DTL: variants seen among roughly 807,000 people sequenced by gnomAD.
DTL encodes denticleless protein homolog.
DTL carries 46 observed loss-of-function variants against 87.0 expected under a neutral mutation model. That is an observed-to-expected ratio of 0.53 (90% CI 0.42 to 0.68). The LOEUF (loss-of-function observed/expected upper bound fraction) is 0.68, where lower values mean the gene tolerates loss of function less well. Among genes scored for constraint, DTL ranks in the 30% least tolerant of loss-of-function variants. The pLI is 0.00. For synonymous variants in DTL, 308 were observed against 311.2 expected (o/e 0.99, Z 0.11); for missense variants, 737 against 869.4 (o/e 0.85, Z 1.91).
chr1:212,066,932 A>G, intron 8 of DTL, 47 bp downstream of exon 8: 2 of 1,491,614 alleles, frequency 1.3e-6, no homozygotes, highest in Non-Finnish European at 1.9e-6. Context: ...TTTTTATGAG[A>G]TTGTGATGAG....
At chr1:212,088,188 G>T (rs1393007065) in intron 13 of DTL, among the ~76,000 whole-genome samples, 2 of 152,124 alleles carry the variant, frequency 1.3e-5, no homozygotes, top group South Asian at 4.1e-4. Context: ...AGGCATTATT[G>T]AGTGATAAAG....
chr1:212,080,817 A>G, intron 13 of DTL, 67 bp downstream of exon 13: 2 of 1,511,360 alleles, frequency 1.3e-6, no homozygotes, highest in Non-Finnish European at 1.8e-6. Flanking sequence ...GTACAGAGTA[A>G]TAAGCTAGAT....
chr1:212,071,359 CCTT>C (rs1180350675), intron 10 of DTL, among the ~76,000 whole-genome samples: 1 of 152,116 alleles, frequency 6.6e-6, no homozygotes, highest in Non-Finnish European at 1.5e-5. Flanking sequence ...CAGGTTTTGA[CCTT>C]CTTAGGATAG....
chr1:212,056,068 C>T (rs1358190331), intron 5 of DTL, among the ~76,000 whole-genome samples: 1 of 152,304 alleles, frequency 6.6e-6, no homozygotes, highest in East Asian at 1.9e-4. Flanking sequence ...GGGATTTTTT[C>T]ATCACTGCTA....
rs561005201 is a variant in DTL at position 212,052,550 on chromosome 1, T to C, written c.460+5133T>C. Among the ~76,000 whole-genome samples the C allele has an allele frequency of 8.8e-4, 132 of 150,052 alleles. 1 individual carries two copies. The highest frequency in any genetic ancestry group is 1.8e-3 in the Non-Finnish European group (122 of 67,780). On this transcript the variant is annotated intron_variant, in intron 5 of 14. Transcript: ENST00000366991. ...TACTCAGGAGGTTGAGGCAGGAGAA[T>C]CGCTTGAACCTGGGAGGCGGAGGTT...
chr1:212,060,070 T>A (rs765651110), intron 5 of DTL, among the ~76,000 whole-genome samples: 4 of 150,560 alleles, frequency 2.7e-5, no homozygotes, highest in South Asian at 2.1e-4. Context: ...TGGGAAAAAA[T>A]TATTATTTTT....
intron 5 of DTL, 152 bp downstream of exon 5, chr1:212,047,569 G>C: frequency 9.0e-7 from 1 of 1,114,506 alleles, no homozygotes; most frequent in Non-Finnish European, 1.3e-6. Context: ...GTTTCGTTCT[G>C]TTGCCCAGGC....
intron 10 of DTL, among the ~76,000 whole-genome samples, chr1:212,069,765 C>T (rs1216801212): frequency 1.3e-5 from 2 of 151,830 alleles, no homozygotes; most frequent in African/African-American, 2.4e-5. Context: ...AGGCTGGTCT[C>T]GAACTCCTGA....
intron 13 of DTL, among the ~76,000 whole-genome samples, chr1:212,084,307 T>C (rs1655068297): frequency 6.6e-6 from 1 of 151,870 alleles, no homozygotes; most frequent in Admixed American, 6.6e-5. Flanking sequence ...TGCCTCAGCC[T>C]CCTGAGTAGC....
At chr1:212,062,136 A>G (rs1458695918) in intron 5 of DTL, among the ~76,000 whole-genome samples, 1 of 152,222 alleles carries the variant, frequency 6.6e-6, no homozygotes, top group Non-Finnish European at 1.5e-5. Flanking sequence ...ACTATGTATC[A>G]GTAAGAAAAA....
At chr1:212,044,636 T>TA (rs767063016) in intron 2 of DTL, 24 bp from the exon 3 acceptor site, 7 of 1,477,004 alleles carry the variant, frequency 4.7e-6, no homozygotes, top group South Asian at 1.2e-5. Flanking sequence ...ACTCTATATA[T>TA]TTTTTTCTTT....
chr1:212,086,348 TA>T (rs1452754472), intron 13 of DTL, among the ~76,000 whole-genome samples: 1 of 152,010 alleles, frequency 6.6e-6, no homozygotes, highest in Non-Finnish European at 1.5e-5. Flanking sequence ...ATACTGATTT[TA>T]AAAAAAAGTC....
At chr1:212,063,698 AT>A (rs531139442) in intron 6 of DTL, among the ~76,000 whole-genome samples, 111 of 151,702 alleles carry the variant, frequency 7.3e-4, no homozygotes, top group African/African-American at 2.4e-3. Flanking sequence ...ATTTATTAAA[AT>A]TTTTTTTTGT....
rs556327655 is a variant in DTL, at chr1:212,083,235, A to G, written c.1261+2485A>G. ...AGGCAAAGAGAGAGATTGGGCAGAG[A>G]AACTCCCCCTTATAATATTGTCAGA... On this transcript the variant is annotated intron_variant, in intron 13 of 14. Coordinates refer to ENST00000366991, the MANE Select transcript of DTL (RefSeq NM_016448.4). Among the ~76,000 whole-genome samples the G allele has an allele frequency of 2.0e-5, 3 of 152,268 alleles. No individual in the cohort carries two copies. In the East Asian group the frequency reaches 5.8e-4, roughly 29 times the overall value.
intron 13 of DTL, among the ~76,000 whole-genome samples, chr1:212,089,813 G>A (rs964726285): frequency 2.0e-5 from 3 of 152,190 alleles, no homozygotes; most frequent in Admixed American, 2.0e-4. Context: ...TGTGTGCCAT[G>A]CAAGTTTCAG....
chr1:212,039,815 A>T (rs940927826), intron 1 of DTL, among the ~76,000 whole-genome samples: 1 of 152,192 alleles, frequency 6.6e-6, no homozygotes, highest in Non-Finnish European at 1.5e-5. Flanking sequence ...TAAAAATAGG[A>T]TATAAAAGAT....
intron 12 of DTL, among the ~76,000 whole-genome samples, chr1:212,078,840 G>A (rs888089954): frequency 7.2e-5 from 11 of 152,138 alleles, no homozygotes; most frequent in African/African-American, 2.4e-4. Context: ...ATGTAGAAAG[G>A]CCAGAAACAT....
intron 13 of DTL, among the ~76,000 whole-genome samples, chr1:212,098,497 C>T (rs922981115): frequency 3.9e-5 from 6 of 152,032 alleles, no homozygotes; most frequent in South Asian, 4.2e-4. Flanking sequence ...CTTTTGTTTA[C>T]GGCTACCAGG....
rs1654967054 is a variant in DTL, at chr1:212,080,738, A to G, written c.1249A>G (p.Arg417Gly). 6.2e-7 allele frequency: 1 copy of G among 1,613,582 alleles called. No homozygotes were observed. Among genetic ancestry groups the G allele is most frequent in the East Asian group, 2.2e-5 (1 of 44,868 alleles). The change falls in exon 13 of 15, where the codon AGA (arginine) becomes GGA (glycine). Residue 417 changes from arginine (R) to glycine (G), a missense_variant. Arg to Gly is a moderately radical substitution (Grantham distance 125). Coordinates refer to ENST00000366991, the MANE Select transcript of DTL (RefSeq NM_016448.4). ...GWASQKKKES[R>G]PGLVTVTSSQ... is the part of the protein sequence containing the mutation. ...GGCCTCTCAGAAGAAAAAAGAGTCA[A>G]GACCTGGCCTAGGTAAGGATATCAT... is the stretch of plus-strand genomic sequence containing the variant.
Sources: gnomAD v4.1 joint callset for allele counts (sites outside exome capture counted in the v4.1 genomes callset) on GRCh38, gnomAD v4.1.1 for gene constraint, MANE v1.5 for transcripts, NCBI Gene and HGNC (gene_info 2026-07-23, HGNC 2026-07-21) for gene names.